Variants in ABTB3 observed in about 807,000 individuals in gnomAD.
ABTB3 encodes the protein ankyrin repeat- and BTB/POZ domain-containing protein 3.
chr12:107,357,018 T>C, the ABTB3 span, among the ~76,000 whole-genome samples: 5 of 152,226 alleles, frequency 3.3e-5, no homozygotes, highest in African/African-American at 4.8e-5. Flanking sequence ...AATACAAAGA[T>C]AAGTTTCTGC....
chr12:107,541,531 G>T, the ABTB3 span, among the ~76,000 whole-genome samples: 67 of 152,354 alleles, frequency 4.4e-4, 1 homozygote, highest in Non-Finnish European at 6.8e-4. Context: ...CCAAAATTTT[G>T]CAGTGCAGGC....
chr12:107,336,584 G>A, the ABTB3 span, among the ~76,000 whole-genome samples: 2 of 151,930 alleles, frequency 1.3e-5, no homozygotes, highest in Non-Finnish European at 2.9e-5. Flanking sequence ...ATACATGTTG[G>A]CTGGTATTGT....
chr12:107,470,488 C>G, the ABTB3 span, among the ~76,000 whole-genome samples: 2 of 152,142 alleles, frequency 1.3e-5, no homozygotes, highest in African/African-American at 4.8e-5. Flanking sequence ...GGCCCAGTGT[C>G]CTTTGCCCCG....
At chr12:107,573,226 C>G in the ABTB3 span, among the ~76,000 whole-genome samples, 1 of 152,172 alleles carries the variant, frequency 6.6e-6, no homozygotes, top group Non-Finnish European at 1.5e-5. Flanking sequence ...TGAGCTTCCT[C>G]CCTACCTCAG....
chr12:107,526,499 C>G, the ABTB3 span, among the ~76,000 whole-genome samples: 1 of 152,140 alleles, frequency 6.6e-6, no homozygotes, highest in Non-Finnish European at 1.5e-5. Context: ...TGCTTTTGGT[C>G]CCATCCAAGT....
the ABTB3 span, among the ~76,000 whole-genome samples, chr12:107,472,745 C>T: frequency 6.6e-6 from 1 of 152,166 alleles, no homozygotes; most frequent in Non-Finnish European, 1.5e-5. Flanking sequence ...TGATGGAGCC[C>T]TCATGGTGGA....
At chr12:107,529,288 T>A in the ABTB3 span, among the ~76,000 whole-genome samples, 2 of 151,160 alleles carry the variant, frequency 1.3e-5, no homozygotes, top group East Asian at 2.0e-4. Flanking sequence ...ATGGTGATGA[T>A]GATGGTGATG....
At chr12:107,333,303 G>A in the ABTB3 span, among the ~76,000 whole-genome samples, 2 of 152,160 alleles carry the variant, frequency 1.3e-5, no homozygotes, top group South Asian at 2.1e-4. Flanking sequence ...ATGCTCCTCT[G>A]GGACAAAATA....
chr12:107,603,045 G>A, the ABTB3 span, among the ~76,000 whole-genome samples: 1 of 152,118 alleles, frequency 6.6e-6, no homozygotes, highest in Non-Finnish European at 1.5e-5. Flanking sequence ...CCATAAAGCT[G>A]GTTGCCTTCT....
the ABTB3 span, among the ~76,000 whole-genome samples, chr12:107,421,289 AG>A: frequency 6.6e-6 from 1 of 152,178 alleles, no homozygotes. Context: ...GTAAAGAAAA[AG>A]GAGAGATCTG....
chr12:107,400,545 C>T, the ABTB3 span, among the ~76,000 whole-genome samples: 1 of 152,062 alleles, frequency 6.6e-6, no homozygotes, highest in Non-Finnish European at 1.5e-5. Context: ...TTGAATTTCG[C>T]CTTTTCTAGC....
At chr12:107,364,815 C>T in the ABTB3 span, among the ~76,000 whole-genome samples, 2 of 152,144 alleles carry the variant, frequency 1.3e-5, no homozygotes, top group Non-Finnish European at 2.9e-5. Context: ...TAAGTGCAAG[C>T]TATTGTTGCT....
At chr12:107,501,386 TA>T in the ABTB3 span, among the ~76,000 whole-genome samples, 23 of 121,576 alleles carry the variant, frequency 1.9e-4, no homozygotes, top group South Asian at 4.7e-4. Flanking sequence ...ATGCTCCCAG[TA>T]AAAAAAAAAA....
the ABTB3 span, among the ~76,000 whole-genome samples, chr12:107,552,506 T>C: frequency 6.6e-6 from 1 of 152,222 alleles, no homozygotes; most frequent in Non-Finnish European, 1.5e-5. Context: ...TTTCACAATA[T>C]AGGATCCAGA....
At chr12:107,644,059 C>A in the ABTB3 span, among the ~76,000 whole-genome samples, 1 of 152,078 alleles carries the variant, frequency 6.6e-6, no homozygotes, top group Admixed American at 6.6e-5. Context: ...TGAGCTACTA[C>A]GTGTGGCATT....
At chr12:107,543,878 A>G in the ABTB3 span, 1 of 1,489,544 alleles carries the variant, frequency 6.7e-7, no homozygotes, top group Non-Finnish European at 9.1e-7. Flanking sequence ...CTTCAGGTAC[A>G]GTTTCTCTGC....
chr12:107,590,431 G>T, the ABTB3 span, among the ~76,000 whole-genome samples: 1 of 152,186 alleles, frequency 6.6e-6, no homozygotes, highest in Non-Finnish European at 1.5e-5. Context: ...GTGGTGCAGA[G>T]TCATAGAAGA....
the ABTB3 span, among the ~76,000 whole-genome samples, chr12:107,320,865 G>C: frequency 2.0e-5 from 3 of 152,126 alleles, no homozygotes; most frequent in East Asian, 3.9e-4. Context: ...GCTGGCGGGG[G>C]GCAGTTCTGG....
chr12:107,529,124 G>A, the ABTB3 span, among the ~76,000 whole-genome samples: 1 of 151,408 alleles, frequency 6.6e-6, no homozygotes, highest in African/African-American at 2.4e-5. Context: ...TGATTATGAT[G>A]GAGATGATGG....
Sources: allele counts gnomAD v4.1 joint callset (sites outside exome capture counted in the v4.1 genomes callset), GRCh38; gene constraint gnomAD v4.1.1; transcripts MANE v1.5; gene names NCBI Gene and HGNC (gene_info 2026-07-23, HGNC 2026-07-21).